Variants in CBFA2T3 observed in about 807,000 individuals in gnomAD.
The protein encoded by CBFA2T3 is transcriptional corepressor CBFA2T3.
Under a neutral mutation model 58.6 loss-of-function variants are expected in CBFA2T3, and 31 were observed. The ratio of observed to expected loss-of-function variants is 0.53; its 90% confidence interval spans 0.40 to 0.71. The LOEUF (loss-of-function observed/expected upper bound fraction) is 0.71, where lower values mean the gene tolerates loss of function less well. Ranked by LOEUF, CBFA2T3 falls within the 30% of genes least tolerant of loss-of-function variation. The probability of loss-of-function intolerance (pLI) is 0.00; values close to 1 mark genes in which losing one functional copy is unlikely to be tolerated. For synonymous variants in CBFA2T3, 531 were observed against 421.9 expected, an observed-to-expected ratio of 1.26 and a Z score of -3.17; for missense variants, 1,076 against 963.1, an observed-to-expected ratio of 1.12 and a Z score of -1.55.
intron 8 of CBFA2T3, among the ~76,000 whole-genome samples, chr16:88,882,442 TGTGTGC>T (rs1173700327): frequency 4.6e-5 from 7 of 150,684 alleles, no homozygotes; most frequent in African/African-American, 1.5e-4. Flanking sequence ...TGGGTGTGGC[TGTGTGC>T]GTGGGCGTGG....
At chr16:88,941,576 G>A (rs1460890871) in intron 1 of CBFA2T3, among the ~76,000 whole-genome samples, 2 of 148,090 alleles carry the variant, frequency 1.4e-5, no homozygotes, top group African/African-American at 2.5e-5. Context: ...GGAGCGCCGG[G>A]AGCAGGGAGA....
chr16:88,959,837 C>G (rs1336250746), intron 1 of CBFA2T3, among the ~76,000 whole-genome samples: 1 of 152,086 alleles, frequency 6.6e-6, no homozygotes, highest in South Asian at 2.1e-4. Context: ...ACCAGCCTAG[C>G]CAACATGGTG....
rs545217445 is a variant in CBFA2T3 at position 88,963,805 on chromosome 16, G to C, written c.151+12852C>G. On this transcript the variant is annotated intron_variant, in intron 1 of 11. Transcript: ENST00000268679. ...GGAGAGCCGCATTCTGTGACTCAGG[G>C]TTCTGCGGGATCCTGGAATGCAGGG... Among the ~76,000 whole-genome samples, 45 of 152,382 alleles carry C rather than the reference G, an allele frequency of 3.0e-4. No individual in the cohort carries two copies. The South Asian group carries it at 9.1e-3, about 31-fold the overall frequency.
At chr16:88,950,493 A>G in intron 1 of CBFA2T3, 1 of 399,554 alleles carries the variant, frequency 2.5e-6, no homozygotes, top group Non-Finnish European at 4.9e-6. Flanking sequence ...GCACCGCCAC[A>G]GAGGGTCAGG....
intron 1 of CBFA2T3, among the ~76,000 whole-genome samples, chr16:88,908,965 C>T (rs1309296880): frequency 6.6e-6 from 1 of 152,142 alleles, no homozygotes; most frequent in African/African-American, 2.4e-5. Context: ...CCCTGGGCAC[C>T]TGGCTCTGGA....
At chr16:88,940,926 G>T (rs955845617) in intron 1 of CBFA2T3, 2 of 636,126 alleles carry the variant, frequency 3.1e-6, no homozygotes, top group African/African-American at 2.0e-5. Context: ...CGGCCCGTGC[G>T]CTCGGCGCGG....
At chr16:88,904,502 T>C (rs1970227468) in intron 1 of CBFA2T3, among the ~76,000 whole-genome samples, 1 of 152,206 alleles carries the variant, frequency 6.6e-6, no homozygotes, top group Non-Finnish European at 1.5e-5. Context: ...TCTCCGCTTG[T>C]CATCAACACG....
At chr16:88,894,780 G>A (rs1177620297) in intron 3 of CBFA2T3, among the ~76,000 whole-genome samples, 6 of 152,268 alleles carry the variant, frequency 3.9e-5, no homozygotes, top group South Asian at 2.1e-4. Context: ...GAATTCCTCC[G>A]AGGCCCCAGC....
At chr16:88,925,645 T>C (rs997770955) in intron 1 of CBFA2T3, among the ~76,000 whole-genome samples, 2 of 152,170 alleles carry the variant, frequency 1.3e-5, no homozygotes, top group African/African-American at 4.8e-5. Context: ...ATGCTGCTTC[T>C]CCCTCCAGGG....
intron 7 of CBFA2T3, chr16:88,884,747 A>T (rs1032002222): frequency 3.1e-6 from 1 of 325,998 alleles, no homozygotes; most frequent in Non-Finnish European, 5.7e-6. Context: ...GCAGAGAGCC[A>T]CGTGACTCAC....
intron 8 of CBFA2T3, among the ~76,000 whole-genome samples, chr16:88,882,032 G>A (rs879914220): frequency 4.6e-5 from 7 of 152,254 alleles, no homozygotes; most frequent in African/African-American, 1.7e-4. Flanking sequence ...GAGCCAGTGA[G>A]CAGAAAGTAA....
rs774109097 is a variant in CBFA2T3 at position 88,885,208 on chromosome 16, A to G, written c.955T>C (p.Cys319Arg). ...LHPEHLSKRP[C>R]TLNPAQRYSP... Reference sequence around the variant, plus strand: ...TAGCGCTGGGCAGGGTTCAGGGTGCATGGCCGTTTGCTGAGGTGCTCGGGG... The same window carrying G: ...TAGCGCTGGGCAGGGTTCAGGGTGCGTGGCCGTTTGCTGAGGTGCTCGGGG... Residue 319 changes from cysteine to arginine, a missense_variant, in exon 7 of 12, where the codon TGC becomes CGC. Coordinates refer to ENST00000268679, the MANE Select transcript of CBFA2T3 (RefSeq NM_005187.6). This position sits in a 1 kb window ranked among gnomAD's most constrained non-coding sequence, Gnocchi z 5.3. The G allele has an allele frequency of 5.0e-6, 8 of 1,597,918 alleles. No homozygotes were observed. Among genetic ancestry groups the G allele is most frequent in the South Asian group, 1.1e-5 (1 of 90,300 alleles).
Position 88,921,314 on chromosome 16 carries a change from CGCAGGCA to C in CBFA2T3, c.152-19665_152-19659del, listed in dbSNP as rs983567455. On this transcript the variant is annotated intron_variant, in intron 1 of 11. Transcript: ENST00000268679. Reference sequence around the variant, plus strand: ...GTTTTTAATTACTCTGTTAATTACACGCAGGCAGCAGAAAGGATGGGCGGGGGGAGCA... The same window carrying C: ...GTTTTTAATTACTCTGTTAATTACACGCAGAAAGGATGGGCGGGGGGAGCA... 4.7e-4 allele frequency among the ~76,000 whole-genome samples: 71 copies of C among 152,346 alleles called. 1 individual carries two copies. The highest frequency in any genetic ancestry group is 1.6e-3 in the African/African-American group (66 of 41,576).
intron 1 of CBFA2T3, among the ~76,000 whole-genome samples, chr16:88,903,102 C>G (rs983781381): frequency 6.6e-6 from 1 of 152,228 alleles, no homozygotes; most frequent in Admixed American, 6.5e-5. Flanking sequence ...TGCCCGTTCC[C>G]CATTCCCGGG....
At chr16:88,975,120 G>GATCCTCTGCTCCTCACCTGCA (rs1567643739) in intron 1 of CBFA2T3, among the ~76,000 whole-genome samples, 1 of 107,992 alleles carries the variant, frequency 9.3e-6, no homozygotes, top group Non-Finnish European at 2.0e-5. Flanking sequence ...AGGCCACCCT[G>GATCCTCTGCTCCTCACCTGCA]GCCCTCTGCT....
intron 1 of CBFA2T3, among the ~76,000 whole-genome samples, chr16:88,969,557 T>C (rs1315739929): frequency 6.6e-6 from 1 of 152,200 alleles, no homozygotes; most frequent in Non-Finnish European, 1.5e-5. Flanking sequence ...GGGGTCAGCG[T>C]GGCCGGTGGA....
rs938483923 is a variant in CBFA2T3, at chr16:88,879,142, C to T, written c.1662+128G>A. 7 of 781,776 alleles carry T rather than the reference C, an allele frequency of 9.0e-6. No homozygotes were observed. The African/African-American group carries it at 1.0e-4, about 11-fold the overall frequency. The allele number at this position is 781,776 out of a possible 1,614,324, so 48.4% of individuals were successfully genotyped here. Reference sequence around the variant, plus strand: ...GCACAGTGTGGGCGGGGATGGCGTGCCTGCTGCAGGATGCCCGTGACAACT... The same window carrying T: ...GCACAGTGTGGGCGGGGATGGCGTGTCTGCTGCAGGATGCCCGTGACAACT... On this transcript the variant is annotated intron_variant, in intron 11 of 11. Coordinates refer to ENST00000268679, the MANE Select transcript of CBFA2T3 (RefSeq NM_005187.6).
At chr16:88,880,504 C>T (rs967891217) in intron 10 of CBFA2T3, among the ~76,000 whole-genome samples, 12 of 152,240 alleles carry the variant, frequency 7.9e-5, no homozygotes, top group Admixed American at 1.3e-4. Context: ...GGGCGGCCAC[C>T]GGTCCGTTTC....
At chr16:88,883,515 G>C (rs1969223028) in intron 7 of CBFA2T3, 1 of 152,358 alleles carries the variant, frequency 6.6e-6, no homozygotes, top group Non-Finnish European at 1.5e-5. Flanking sequence ...CTTTTGACAG[G>C]CTCCAGGACT....
Sources: gnomAD v4.1 joint callset for allele counts (sites outside exome capture counted in the v4.1 genomes callset) on GRCh38, gnomAD v4.1.1 for gene constraint, Gnocchi (gnomAD v3.1) non-coding constraint, MANE v1.5 for transcripts, NCBI Gene and HGNC (gene_info 2026-07-23, HGNC 2026-07-21) for gene names.